The following NELL1 variants were observed in gnomAD, a reference collection of about 807,000 sequenced individuals.
The protein encoded by NELL1 is protein kinase C-binding protein NELL1.
Under a neutral mutation model 107.4 loss-of-function variants are expected in NELL1, and 76 were observed. That is an observed-to-expected ratio of 0.71 (90% CI 0.59 to 0.86). The LOEUF is 0.86. Among genes scored for constraint, NELL1 ranks in the 40% least tolerant of loss-of-function variants. The pLI is 0.00. For missense variants in NELL1, 1,024 were observed against 1,005.5 expected (o/e 1.02, Z -0.25); for synonymous variants, 353 against 341.2 (o/e 1.03, Z -0.38).
chr11:20,703,299 T>C (rs928091899), intron 2 of NELL1, among the ~76,000 whole-genome samples: 4 of 152,366 alleles, frequency 2.6e-5, no homozygotes, highest in African/African-American at 9.6e-5. Flanking sequence ...GAGGTGTTTA[T>C]AGTATTCTCT....
intron 12 of NELL1, among the ~76,000 whole-genome samples, chr11:21,033,149 T>C (rs1347268688): frequency 2.0e-5 from 3 of 152,176 alleles, no homozygotes; most frequent in Non-Finnish European, 4.4e-5. Flanking sequence ...TCATCTCTTT[T>C]GCTTTGGTGA....
intron 1 of NELL1, chr11:20,670,457 T>C (rs1853872591): frequency 7.1e-6 from 1 of 141,232 alleles, no homozygotes. Flanking sequence ...AGTTTTCTCT[T>C]GCCATAATCG....
At chr11:21,251,670 G>C (rs1408372712) in intron 14 of NELL1, among the ~76,000 whole-genome samples, 1 of 151,896 alleles carries the variant, frequency 6.6e-6, no homozygotes, top group African/African-American at 2.4e-5. Context: ...ACCAGGCAGT[G>C]CTCATTCTGG....
At chr11:20,819,934 G>A (rs144685110) in intron 3 of NELL1, among the ~76,000 whole-genome samples, 187 of 152,276 alleles carry the variant, frequency 1.2e-3, no homozygotes, top group Non-Finnish European at 2.2e-3. Flanking sequence ...GAGATGATCC[G>A]CTTGATTCCT....
intron 3 of NELL1, among the ~76,000 whole-genome samples, chr11:20,791,532 T>C (rs775579143): frequency 5.9e-5 from 9 of 152,172 alleles, no homozygotes; most frequent in Non-Finnish European, 1.3e-4. Flanking sequence ...TTGTTTTATG[T>C]CTTCCTGTCC....
chr11:21,323,835 C>T (rs1488804780), intron 14 of NELL1, among the ~76,000 whole-genome samples: 2 of 152,266 alleles, frequency 1.3e-5, no homozygotes, highest in East Asian at 1.9e-4. Context: ...CTGCCCCCTA[C>T]TGTACCCCAG....
At chr11:21,014,926 C>T (rs931682731) in intron 12 of NELL1, among the ~76,000 whole-genome samples, 1 of 152,050 alleles carries the variant, frequency 6.6e-6, no homozygotes, top group Non-Finnish European at 1.5e-5. Flanking sequence ...GATTTTGGCT[C>T]TTGTTTTCGT....
intron 2 of NELL1, among the ~76,000 whole-genome samples, chr11:20,780,572 T>G (rs1856832484): frequency 6.6e-6 from 1 of 152,014 alleles, no homozygotes; most frequent in Non-Finnish European, 1.5e-5. Context: ...AGAAAGGAAA[T>G]AATATGAGGT....
chr11:21,376,160 A>G (rs1419066280), intron 15 of NELL1, among the ~76,000 whole-genome samples: 2 of 149,644 alleles, frequency 1.3e-5, no homozygotes, highest in African/African-American at 4.9e-5. Context: ...AGATTTTTTT[A>G]TAGGATTCTA....
rs779911956 is a variant in NELL1, at chr11:21,345,206, T to G, written c.1550-25647T>G. On this transcript the variant is annotated intron_variant, in intron 14 of 19. Transcript: ENST00000357134. ...ATTTGCCTCTTCTGCAAAGGAAGAT[T>G]TAGGGAATGACTGAAATAATGTTAT... Among the ~76,000 whole-genome samples, 7 of 152,176 alleles carry G rather than the reference T, an allele frequency of 4.6e-5. 1 individual carries two copies. Among genetic ancestry groups the G allele is most frequent in the Admixed American group, 2.0e-4 (3 of 15,274 alleles).
intron 13 of NELL1, among the ~76,000 whole-genome samples, chr11:21,224,503 G>A (rs1304746039): frequency 6.6e-6 from 1 of 151,570 alleles, no homozygotes; most frequent in Non-Finnish European, 1.5e-5. Context: ...TTATAGGTAT[G>A]TGCCACCATG....
intron 12 of NELL1, among the ~76,000 whole-genome samples, chr11:20,967,758 A>C (rs977195493): frequency 6.6e-6 from 1 of 152,172 alleles, no homozygotes; most frequent in African/African-American, 2.4e-5. Flanking sequence ...AAACATATTT[A>C]AAGTGAGCTT....
chr11:21,030,005 G>A (rs1449565906), intron 12 of NELL1, among the ~76,000 whole-genome samples: 1 of 152,180 alleles, frequency 6.6e-6, no homozygotes, highest in Non-Finnish European at 1.5e-5. Flanking sequence ...TTGAGAGATT[G>A]CCAGTACAGA....
At chr11:20,901,832 T>A (rs1350124736) in intron 5 of NELL1, among the ~76,000 whole-genome samples, 1 of 152,120 alleles carries the variant, frequency 6.6e-6, no homozygotes, top group Non-Finnish European at 1.5e-5. Flanking sequence ...ATAACTGATG[T>A]GGCATTCCTG....
intron 5 of NELL1, among the ~76,000 whole-genome samples, chr11:20,890,011 T>C (rs1849586327): frequency 6.6e-6 from 1 of 152,142 alleles, no homozygotes; most frequent in African/African-American, 2.4e-5. Flanking sequence ...CCAAAATGCC[T>C]CATTAAACAG....
intron 12 of NELL1, among the ~76,000 whole-genome samples, chr11:21,089,110 A>G (rs1348346052): frequency 3.3e-5 from 5 of 152,214 alleles, no homozygotes; most frequent in Non-Finnish European, 7.3e-5. Context: ...CTATTTTAGC[A>G]TAATTGCTTA....
chr11:20,765,866 A>G (rs1856519131), intron 2 of NELL1, among the ~76,000 whole-genome samples: 1 of 152,228 alleles, frequency 6.6e-6, no homozygotes, highest in Admixed American at 6.5e-5. Context: ...ACCATTTCCA[A>G]GTGTGCATTC....
chr11:20,675,760 CTCT>C (rs1010916125), intron 1 of NELL1, among the ~76,000 whole-genome samples: 1 of 152,030 alleles, frequency 6.6e-6, no homozygotes, highest in African/African-American at 2.4e-5. Flanking sequence ...ACTTTGGCCT[CTCT>C]TCTTTTTTCT....
In NELL1 at chr11:21,100,842, C is replaced by CT. The variant is rs1262987904; in HGVS notation, c.1301-12739dup. ...ACAATGTTTCTTTCTTTCTTTCTTT[C>CT]TTTTTTTTAATTATACTTTAAGTTT... On this transcript the variant is annotated intron_variant, in intron 12 of 19. Coordinates refer to ENST00000357134, the MANE Select transcript of NELL1 (RefSeq NM_006157.5). Among the ~76,000 whole-genome samples the CT allele has an allele frequency of 1.4e-4, 22 of 151,954 alleles. No homozygotes were observed. In the East Asian group the frequency reaches 3.5e-3, roughly 24 times the overall value.
Sources: gnomAD v4.1 joint callset for allele counts (sites outside exome capture counted in the v4.1 genomes callset) on GRCh38, gnomAD v4.1.1 for gene constraint, MANE v1.5 for transcripts, NCBI Gene and HGNC (gene_info 2026-07-23, HGNC 2026-07-21) for gene names.